Variants in FDX1 observed in about 807,000 individuals in gnomAD.
FDX1 encodes adrenodoxin, mitochondrial.
In FDX1, 9 loss-of-function variants were observed where a neutral mutation model predicts 14.9. That is an observed-to-expected ratio of 0.60 (90% CI 0.36 to 1.05). FDX1 has a LOEUF of 1.05. Among genes scored for constraint, FDX1 ranks in the 50% least tolerant of loss-of-function variants. The pLI, the probability that FDX1 is intolerant of heterozygous loss-of-function variation, is 0.01. For synonymous variants in FDX1, 92 were observed against 99.4 expected, an observed-to-expected ratio of 0.93 and a Z score of 0.44; for missense variants, 204 against 237.2, an observed-to-expected ratio of 0.86 and a Z score of 0.92.
At position 110,443,938 on chromosome 11, in the gene FDX1, G is replaced by A. The variant is rs1261743514; in HGVS notation, c.310+7980G>A. 2.0e-5 allele frequency among the ~76,000 whole-genome samples: 3 copies of A among 151,880 alleles called. No individual in the cohort carries two copies. The East Asian group carries it at 5.8e-4, about 29-fold the overall frequency. On this transcript the variant is annotated intron_variant, in intron 2 of 3. Coordinates refer to ENST00000260270, the MANE Select transcript of FDX1 (RefSeq NM_004109.5). ...GGTTGTTTTTTGCTTATTGATTTAA[G>A]TTCCCTATAGATTCTGGATATTAGA... is the stretch of plus-strand genomic sequence containing the variant.
intron 3 of FDX1, among the ~76,000 whole-genome samples, chr11:110,458,251 A>C (rs1389424693): frequency 6.6e-6 from 1 of 152,250 alleles, no homozygotes; most frequent in Non-Finnish European, 1.5e-5. Context: ...CAAAAGGTCT[A>C]TAATAAATGT....
chr11:110,458,614 C>CT lies in FDX1; in HGVS notation c.440+1578dup, dbSNP rs200776824. Reference sequence around the variant, plus strand: ...TTTTTAAGCAAAAACACCATCGTTTCTTTTTTTTTTTGAGGCAGAGTCTTG... The same window carrying CT: ...TTTTTAAGCAAAAACACCATCGTTTCTTTTTTTTTTTTGAGGCAGAGTCTTG... On this transcript the variant is annotated intron_variant, in intron 3 of 3. Transcript: ENST00000260270. Among the ~76,000 whole-genome samples, 1,052 of 146,200 alleles carry CT rather than the reference C, an allele frequency of 7.2e-3. 9 individuals are homozygous for CT. Among genetic ancestry groups the CT allele is most frequent in the African/African-American group, 0.022 (902 of 40,192 alleles).
chr11:110,456,905 T>C lies in FDX1; in HGVS notation c.311-13T>C. 1.2e-6 allele frequency: 2 copies of C among 1,607,386 alleles called. No homozygotes were observed. Among genetic ancestry groups the C allele is most frequent in the Non-Finnish European group, 1.7e-6 (2 of 1,176,330 alleles). On this transcript the variant is annotated splice_polypyrimidine_tract_variant and intron_variant, in intron 2 of 3. Transcript: ENST00000260270. ...TAGAAGGGACTATGTTCAGTGTTTG[T>C]TGCTTTTGTCAGGTGCATGTGAGGG...
chr11:110,436,047 A>T, intron 2 of FDX1, 89 bp downstream of exon 2: 2 of 1,100,366 alleles, frequency 1.8e-6, no homozygotes, highest in Admixed American at 2.2e-5. Flanking sequence ...AAGAAGTTTA[A>T]CCTATAGCAT....
intron 2 of FDX1, among the ~76,000 whole-genome samples, chr11:110,439,483 A>G (rs913654571): frequency 6.6e-6 from 1 of 152,162 alleles, no homozygotes; most frequent in Non-Finnish European, 1.5e-5. Flanking sequence ...CTGGGATTAC[A>G]GGTGTGAGCC....
chr11:110,447,295 A>C (rs1591251204), intron 2 of FDX1, among the ~76,000 whole-genome samples: 2 of 129,240 alleles, frequency 1.5e-5, no homozygotes, highest in South Asian at 2.4e-4. Context: ...AAAAAAAAAA[A>C]AAAAAAAACC....
chr11:110,451,488 G>T (rs527833803), intron 2 of FDX1, among the ~76,000 whole-genome samples: 6 of 152,188 alleles, frequency 3.9e-5, no homozygotes, highest in African/African-American at 1.4e-4. Flanking sequence ...ACTGTTGGTG[G>T]GAATGAAAAT....
chr11:110,429,644 T>C (rs904479777), upstream of FDX1, among the ~76,000 whole-genome samples: 5 of 152,250 alleles, frequency 3.3e-5, no homozygotes, highest in African/African-American at 1.2e-4. Flanking sequence ...TTGCTCTAAC[T>C]TGACTCCAAG....
At chr11:110,436,166 G>GC (rs1946367710) in intron 2 of FDX1, among the ~76,000 whole-genome samples, 1 of 152,054 alleles carries the variant, frequency 6.6e-6, no homozygotes, top group Non-Finnish European at 1.5e-5. Flanking sequence ...ATAAGTCATG[G>GC]CCAGAAATCT....
At chr11:110,456,439 G>A (rs755925798) in intron 2 of FDX1, among the ~76,000 whole-genome samples, 4 of 151,596 alleles carry the variant, frequency 2.6e-5, no homozygotes, top group South Asian at 2.1e-4. Context: ...GTGTGCATGC[G>A]TGTGCATGTG....
At chr11:110,439,210 A>G (rs1209927695) in intron 2 of FDX1, among the ~76,000 whole-genome samples, 1 of 149,626 alleles carries the variant, frequency 6.7e-6, no homozygotes, top group Admixed American at 6.7e-5. Flanking sequence ...TGCTCTGCCC[A>G]CTTCCCCCCA....
intron 2 of FDX1, among the ~76,000 whole-genome samples, chr11:110,443,205 G>A (rs973737092): frequency 6.6e-6 from 1 of 152,146 alleles, no homozygotes; most frequent in African/African-American, 2.4e-5. Flanking sequence ...AACTGTGGCA[G>A]TGTACCTCAG....
At chr11:110,459,360 C>T (rs1323140863) in intron 3 of FDX1, among the ~76,000 whole-genome samples, 2 of 152,178 alleles carry the variant, frequency 1.3e-5, no homozygotes, top group Non-Finnish European at 2.9e-5. Context: ...ACCATCATAT[C>T]GACTTATCTA....
intron 1 of FDX1, 37 bp downstream of exon 1, chr11:110,430,342 CG>C: frequency 8.5e-7 from 1 of 1,170,304 alleles, no homozygotes; most frequent in Non-Finnish European, 1.1e-6. Flanking sequence ...CGGCGCGGGC[CG>C]GGGTCCCCGG....
At chr11:110,447,273 CAAAAAAA>C (rs541827807) in intron 2 of FDX1, among the ~76,000 whole-genome samples, 12 of 75,752 alleles carry the variant, frequency 1.6e-4, no homozygotes, top group Non-Finnish European at 2.4e-4. Context: ...ACTAAAAATA[CAAAAAAA>C]AAAAAAAAAA....
intron 3 of FDX1, among the ~76,000 whole-genome samples, chr11:110,460,852 A>G (rs1477904136): frequency 6.6e-6 from 1 of 152,066 alleles, no homozygotes; most frequent in Non-Finnish European, 1.5e-5. Context: ...TTTGGCTGTA[A>G]CTCTGATGCT....
At position 110,462,410 on chromosome 11, in the gene FDX1, G is replaced by A. The variant is rs773304319; in HGVS notation, c.497G>A (p.Arg166Gln). Residue 166 changes from arginine to glutamine, a missense_variant, in exon 4 of 4, where the codon CGA becomes CAA. Physicochemically the swap from Arg to Gln is conservative, Grantham distance 43. Transcript: ENST00000260270. The part of the protein sequence containing the change: ...LTKSMDNMTV[R>Q]VPETVADARQ... ...AAATCTATGGACAATATGACTGTTC[G>A]AGTGCCTGAAACAGTGGCTGATGCC... 3.3e-5 allele frequency: 54 copies of A among 1,612,072 alleles called. No homozygotes were observed. The highest frequency in any genetic ancestry group is 4.5e-5 in the Non-Finnish European group (53 of 1,178,376).
intron 2 of FDX1, among the ~76,000 whole-genome samples, chr11:110,444,708 A>ATACG (rs1946434592): frequency 4.3e-5 from 2 of 46,648 alleles, no homozygotes; most frequent in African/African-American, 2.2e-4. Context: ...ATATATACGT[A>ATACG]TATATATATA....
chr11:110,445,236 C>T (rs866766114), intron 2 of FDX1, among the ~76,000 whole-genome samples: 1 of 152,084 alleles, frequency 6.6e-6, no homozygotes, highest in African/African-American at 2.4e-5. Context: ...GTTACATATT[C>T]TCAAAATAGT....
Sources: allele counts gnomAD v4.1 joint callset (sites outside exome capture counted in the v4.1 genomes callset), GRCh38; gene constraint gnomAD v4.1.1; transcripts MANE v1.5; gene names NCBI Gene and HGNC (gene_info 2026-07-23, HGNC 2026-07-21).